The following MTCL1 variants were observed in gnomAD, a reference collection of about 807,000 sequenced individuals.
The protein encoded by MTCL1 is microtubule cross-linking factor 1.
MTCL1 carries 79 observed loss-of-function variants against 141.4 expected under a neutral mutation model. The observed-to-expected ratio is 0.56, with a 90% confidence interval of 0.47 to 0.67. The LOEUF is 0.67. Among genes scored for constraint, MTCL1 ranks in the 30% least tolerant of loss-of-function variants. MTCL1 has a pLI of 0.00. For synonymous variants in MTCL1, 914 were observed against 875.8 expected (o/e 1.04, Z -0.77); for missense variants, 2,177 against 2,113.9 (o/e 1.03, Z -0.59).
intron 4 of MTCL1, among the ~76,000 whole-genome samples, chr18:8,750,730 T>C (rs555439354): frequency 6.6e-6 from 1 of 152,324 alleles, no homozygotes; most frequent in East Asian, 1.9e-4. Flanking sequence ...ATTATGAACA[T>C]GCTTTTTGAA....
rs2076544872 is a variant in MTCL1, at chr18:8,813,251, G to C, written c.2859+18G>C. On this transcript the variant is annotated intron_variant, in intron 12 of 16. Coordinates refer to ENST00000359865, the Ensembl canonical transcript of MTCL1. ...TAGAGCAGGTAAGGAGGCACCCCGG[G>C]GCCCTGGAGCATAGGCACAGAGTGT... is the stretch of plus-strand genomic sequence containing the variant. 1 of 1,606,992 alleles carries C rather than the reference G, an allele frequency of 6.2e-7. No individual in the cohort carries two copies. The highest frequency in any genetic ancestry group is 8.5e-7 in the Non-Finnish European group (1 of 1,176,840).
exon 6 of MTCL1, chr18:8,784,522 C>T (rs1344353474): frequency 6.2e-7 from 1 of 1,603,566 alleles, no homozygotes; most frequent in South Asian, 1.1e-5. Context: ...CGGTGGAGCG[C>T]CTCATCACGG....
chr18:8,713,133 T>G (rs556153147), upstream of MTCL1, among the ~76,000 whole-genome samples: 83 of 152,286 alleles, frequency 5.5e-4, no homozygotes, highest in African/African-American at 1.8e-3. Context: ...TTCCTCTAAT[T>G]TGAGATACAT....
intron 11 of MTCL1, among the ~76,000 whole-genome samples, chr18:8,811,814 G>A (rs1321560752): frequency 1.3e-5 from 2 of 152,266 alleles, no homozygotes; most frequent in South Asian, 2.1e-4. Flanking sequence ...GCCTTCCTTT[G>A]AAAAGTATAC....
At chr18:8,813,119 C>G (rs1202617398) in exon 12 of MTCL1, 1 of 1,614,078 alleles carries the variant, frequency 6.2e-7, no homozygotes, top group African/African-American at 1.3e-5. Flanking sequence ...GCTGGCAGAT[C>G]CATCACAGCG....
chr18:8,800,062 C>T (rs2076063409), intron 10 of MTCL1, among the ~76,000 whole-genome samples: 1 of 152,240 alleles, frequency 6.6e-6, no homozygotes, highest in African/African-American at 2.4e-5. Flanking sequence ...AAGGAGCTCA[C>T]TAACGCATGC....
intron 4 of MTCL1, among the ~76,000 whole-genome samples, chr18:8,724,086 A>G (rs2148826374): frequency 6.6e-6 from 1 of 152,210 alleles, no homozygotes; most frequent in Admixed American, 6.5e-5. Context: ...GCTGCACAAC[A>G]CGAGAATGTA....
intron 4 of MTCL1, among the ~76,000 whole-genome samples, chr18:8,772,272 A>G (rs982727074): frequency 2.0e-5 from 3 of 152,258 alleles, no homozygotes; most frequent in African/African-American, 7.2e-5. Flanking sequence ...CGAAGGACCA[A>G]GCTGATGAAA....
chr18:8,802,687 TG>T (rs2076161974), intron 10 of MTCL1, among the ~76,000 whole-genome samples: 1 of 152,192 alleles, frequency 6.6e-6, no homozygotes, highest in Non-Finnish European at 1.5e-5. Flanking sequence ...TATAGCACAT[TG>T]TAAGTCTCAC....
chr18:8,715,717 C>G (rs2096124562), upstream of MTCL1, among the ~76,000 whole-genome samples: 1 of 152,208 alleles, frequency 6.6e-6, no homozygotes, highest in South Asian at 2.1e-4. Context: ...TAACTTCCCA[C>G]TCTATCGAAA....
In MTCL1 at chr18:8,784,256, C is replaced by T. The variant is rs1169582967; in HGVS notation, c.1144C>T (p.Pro382Ser). ...CCACCTGGGGCTGCGTGCCCCCAGTCCCCGGGACAGCGATGCCGAGAGTGA... is the reference window on the plus strand; with the variant it reads ...CCACCTGGGGCTGCGTGCCCCCAGTTCCCGGGACAGCGATGCCGAGAGTGA... The change falls in exon 6 of 17, where the codon CCC (proline) becomes TCC (serine). Residue 382 changes from proline to serine, a missense_variant. Coordinates refer to ENST00000359865, the Ensembl canonical transcript of MTCL1. 4 of 1,603,734 alleles carry T rather than the reference C, an allele frequency of 2.5e-6. No homozygotes were observed. In the African/African-American group the frequency reaches 4.0e-5, roughly 16 times the overall value.
At chr18:8,795,451 C>T (rs531849718) in intron 8 of MTCL1, among the ~76,000 whole-genome samples, 1 of 152,272 alleles carries the variant, frequency 6.6e-6, no homozygotes, top group African/African-American at 2.4e-5. Flanking sequence ...GCCTTATGTG[C>T]AAAGTGATAT....
intron 4 of MTCL1, among the ~76,000 whole-genome samples, chr18:8,777,119 C>G (rs575780632): frequency 6.6e-6 from 1 of 152,184 alleles, no homozygotes; most frequent in African/African-American, 2.4e-5. Context: ...GCCTATAGTC[C>G]CAGCTACTTG....
chr18:8,759,736 C>T (rs541569719), intron 4 of MTCL1, among the ~76,000 whole-genome samples: 38 of 152,248 alleles, frequency 2.5e-4, no homozygotes, highest in African/African-American at 7.5e-4. Context: ...CAAATGTCAA[C>T]GTGTTATTAT....
At chr18:8,807,621 G>C (rs138797317) in intron 11 of MTCL1, among the ~76,000 whole-genome samples, 1 of 152,290 alleles carries the variant, frequency 6.6e-6, no homozygotes, top group African/African-American at 2.4e-5. Context: ...AAGAGAGCCC[G>C]GGTTTCCTGC....
At chr18:8,796,197 C>T (rs1598707724) in intron 8 of MTCL1, 35 bp from the exon 8 acceptor site, 1 of 1,607,356 alleles carries the variant, frequency 6.2e-7, no homozygotes, top group East Asian at 2.2e-5. Flanking sequence ...ATTGGATTAG[C>T]TGCTTGTCAC....
intron 5 of MTCL1, among the ~76,000 whole-genome samples, chr18:8,778,612 G>T (rs1309605651): frequency 6.6e-6 from 1 of 152,114 alleles, no homozygotes; most frequent in Non-Finnish European, 1.5e-5. Flanking sequence ...GGATCCCCTG[G>T]GTTTCTCCAT....
At chr18:8,707,780 C>G (rs2096066085) in intron 1 of MTCL1, among the ~76,000 whole-genome samples, 1 of 152,252 alleles carries the variant, frequency 6.6e-6, no homozygotes, top group South Asian at 2.1e-4. Context: ...CAATACGGGC[C>G]CAGTTTTTGG....
chr18:8,726,236 A>G (rs2096209852), intron 4 of MTCL1, among the ~76,000 whole-genome samples: 1 of 148,532 alleles, frequency 6.7e-6, no homozygotes, highest in African/African-American at 2.5e-5. Flanking sequence ...CATCTATACC[A>G]AATTTCTTTT....
Sources: gnomAD v4.1 joint callset for allele counts (sites outside exome capture counted in the v4.1 genomes callset) on GRCh38, gnomAD v4.1.1 for gene constraint, MANE v1.5 for transcripts, NCBI Gene and HGNC (gene_info 2026-07-23, HGNC 2026-07-21) for gene names.